Variants in MYO1E observed in about 807,000 individuals in gnomAD.
MYO1E encodes unconventional myosin-Ie.
In MYO1E, 68 loss-of-function variants were observed where a neutral mutation model predicts 151.1. That is an observed-to-expected ratio of 0.45 (90% CI 0.37 to 0.55). The LOEUF is 0.55. MYO1E is among the 20% of genes least tolerant of loss of function. The pLI is 0.00. For missense variants in MYO1E, 1,363 were observed against 1,389.3 expected, an observed-to-expected ratio of 0.98 and a Z score of 0.30; for synonymous variants, 601 against 501.7, an observed-to-expected ratio of 1.20 and a Z score of -2.64.
At position 59,333,416 on chromosome 15, in the gene MYO1E, T is replaced by A. The variant is rs560286992; in HGVS notation, c.3+39082A>T. ...CACCACCGCGCCTGGGTAATTTTTG[T>A]ATTTTTTGTAGAGATGGAGTTTTGC... is the stretch of plus-strand genomic sequence containing the variant. On this transcript the variant is annotated intron_variant, in intron 1 of 27. Coordinates refer to ENST00000288235, the MANE Select transcript of MYO1E (RefSeq NM_004998.4). 1.2e-4 allele frequency among the ~76,000 whole-genome samples: 18 copies of A among 152,270 alleles called. No individual in the cohort carries two copies. The East Asian group carries it at 3.5e-3, about 29-fold the overall frequency.
intron 2 of MYO1E, among the ~76,000 whole-genome samples, chr15:59,269,991 A>G (rs1378870998): frequency 1.3e-5 from 2 of 152,204 alleles, no homozygotes; most frequent in African/African-American, 2.4e-5. Context: ...CATAGTGTGA[A>G]AACAACCCTA....
intron 19 of MYO1E, among the ~76,000 whole-genome samples, chr15:59,176,636 T>G (rs2079627017): frequency 6.6e-6 from 1 of 151,958 alleles, no homozygotes; most frequent in South Asian, 2.1e-4. Flanking sequence ...TAATTTTAAA[T>G]TTTTTTGTAG....
At chr15:59,339,315 G>A (rs1321367434) in intron 1 of MYO1E, among the ~76,000 whole-genome samples, 1 of 152,212 alleles carries the variant, frequency 6.6e-6, no homozygotes, top group Admixed American at 6.5e-5. Context: ...TGTAACAAGA[G>A]ATGTTTTCCT....
chr15:59,371,613 G>A (rs1319819852), intron 1 of MYO1E, among the ~76,000 whole-genome samples: 8 of 152,120 alleles, frequency 5.3e-5, no homozygotes, highest in Admixed American at 5.2e-4. Context: ...AGTCAAAGAG[G>A]CGGCCCCTTC....
chr15:59,319,651 C>G (rs2080613511), intron 1 of MYO1E, among the ~76,000 whole-genome samples: 1 of 141,328 alleles, frequency 7.1e-6, no homozygotes, highest in South Asian at 2.3e-4. Flanking sequence ...TGCCTGTGAT[C>G]CCAGCACTTT....
chr15:59,354,852 C>A (rs1366591010), intron 1 of MYO1E, among the ~76,000 whole-genome samples: 3 of 152,170 alleles, frequency 2.0e-5, no homozygotes, highest in African/African-American at 7.2e-5. Context: ...AGCCTACCAG[C>A]TTCCCTCCAC....
At chr15:59,177,367 G>A (rs1278327035) in intron 19 of MYO1E, among the ~76,000 whole-genome samples, 2 of 152,162 alleles carry the variant, frequency 1.3e-5, no homozygotes, top group Non-Finnish European at 2.9e-5. Flanking sequence ...TACGAGGCAG[G>A]CAGAAACAGT....
chr15:59,145,884 CT>C (rs1408196394), intron 26 of MYO1E, among the ~76,000 whole-genome samples: 1 of 152,170 alleles, frequency 6.6e-6, no homozygotes, highest in East Asian at 1.9e-4. Context: ...CAGTTCAGGC[CT>C]TTTCCTCCCT....
intron 27 of MYO1E, 93 bp from the exon 28 acceptor site, chr15:59,137,549 G>C: frequency 5.9e-6 from 6 of 1,022,074 alleles, no homozygotes; most frequent in South Asian, 5.1e-5. Context: ...AAGTGATTTG[G>C]CTCCATCCAT....
intron 25 of MYO1E, among the ~76,000 whole-genome samples, chr15:59,156,336 C>A (rs748832458): frequency 3.3e-5 from 5 of 152,170 alleles, no homozygotes; most frequent in Middle Eastern, 6.3e-3. Context: ...AGGTGTGCAC[C>A]ACCATGCCTG....
chr15:59,177,667 A>G (rs1596353353), intron 19 of MYO1E, among the ~76,000 whole-genome samples: 1 of 152,252 alleles, frequency 6.6e-6, no homozygotes, highest in Admixed American at 6.5e-5. Context: ...ACTGAACAGA[A>G]CTTCCTGTGG....
chr15:59,299,606 C>G (rs1051707809), intron 1 of MYO1E, among the ~76,000 whole-genome samples: 46 of 152,174 alleles, frequency 3.0e-4, no homozygotes, highest in African/African-American at 1.1e-3. Context: ...ATTCTTTCAT[C>G]TTCTAAAAAT....
intron 13 of MYO1E, among the ~76,000 whole-genome samples, chr15:59,209,815 CTTTTTTTTTTTTTT>C (rs71119441): frequency 2.4e-4 from 12 of 49,870 alleles, no homozygotes; most frequent in South Asian, 8.4e-4. Context: ...TTTGAATCAC[CTTTTTTTTTTTTTT>C]TTTTTTTTTT....
chr15:59,294,326 T>C (rs1486520913), intron 1 of MYO1E, among the ~76,000 whole-genome samples: 6 of 152,118 alleles, frequency 3.9e-5, no homozygotes, highest in Non-Finnish European at 7.4e-5. Flanking sequence ...TTCTCTGAGG[T>C]CCAAAATCAG....
At position 59,153,795 on chromosome 15, in the gene MYO1E, G is replaced by A. The variant is rs2079495305; in HGVS notation, c.2879-4C>T. On this transcript the variant is annotated splice_polypyrimidine_tract_variant and splice_region_variant and intron_variant, in intron 25 of 27. Coordinates refer to ENST00000288235, the MANE Select transcript of MYO1E (RefSeq NM_004998.4). Reference sequence around the variant, plus strand: ...ATGACTCCGTTCTGATGGTATCCTAGAGAGAGGAACAGAGAAGGAAATAAG... The same window carrying A: ...ATGACTCCGTTCTGATGGTATCCTAAAGAGAGGAACAGAGAAGGAAATAAG... 1.2e-6 allele frequency: 2 copies of A among 1,611,422 alleles called. No individual in the cohort carries two copies. Among genetic ancestry groups the A allele is most frequent in the African/African-American group, 1.3e-5 (1 of 74,860 alleles).
intron 4 of MYO1E, among the ~76,000 whole-genome samples, chr15:59,246,532 G>A (rs1348075940): frequency 2.0e-5 from 3 of 152,074 alleles, no homozygotes; most frequent in East Asian, 3.8e-4. Context: ...GTCATACGTC[G>A]GCTTCCTCCT....
chr15:59,257,510 G>A (rs1471959207), intron 3 of MYO1E, among the ~76,000 whole-genome samples: 1 of 151,952 alleles, frequency 6.6e-6, no homozygotes, highest in African/African-American at 2.4e-5. Flanking sequence ...ATATACAAAG[G>A]TGAAGCTTAA....
At chr15:59,189,627 T>C (rs909789607) in intron 17 of MYO1E, among the ~76,000 whole-genome samples, 45 of 152,146 alleles carry the variant, frequency 3.0e-4, no homozygotes, top group Non-Finnish European at 5.7e-4. Context: ...TAGGCTGGAG[T>C]GCAGTGGCAA....
At chr15:59,219,121 G>C (rs2079938154) in intron 9 of MYO1E, among the ~76,000 whole-genome samples, 1 of 152,186 alleles carries the variant, frequency 6.6e-6, no homozygotes. Flanking sequence ...AATGTCACAT[G>C]GTATGGCAGT....
Sources: gnomAD v4.1 joint callset for allele counts (sites outside exome capture counted in the v4.1 genomes callset) on GRCh38, gnomAD v4.1.1 for gene constraint, MANE v1.5 for transcripts, NCBI Gene and HGNC (gene_info 2026-07-23, HGNC 2026-07-21) for gene names.